TTC6: variants seen among roughly 807,000 people sequenced by gnomAD.
The protein encoded by TTC6 is tetratricopeptide repeat protein 6.
Under a neutral mutation model 210.4 loss-of-function variants are expected in TTC6, and 172 were observed. That is an observed-to-expected ratio of 0.82 (90% CI 0.72 to 0.93). The LOEUF (loss-of-function observed/expected upper bound fraction) is 0.93, where lower values mean the gene tolerates loss of function less well. TTC6 is among the 40% of genes least tolerant of loss of function. The probability of loss-of-function intolerance (pLI) is 0.00; values close to 1 mark genes in which losing one functional copy is unlikely to be tolerated. For missense variants in TTC6, 2,414 were observed against 2,318.1 expected, an observed-to-expected ratio of 1.04 and a Z score of -0.85; for synonymous variants, 804 against 819.6, an observed-to-expected ratio of 0.98 and a Z score of 0.32.
chr14:37,627,118 C>G (rs1419774539), intron 1 of TTC6, among the ~76,000 whole-genome samples: 1 of 152,002 alleles, frequency 6.6e-6, no homozygotes, highest in Admixed American at 6.6e-5. Flanking sequence ...TCTCTTGCTC[C>G]TACTTTCATC....
intron 1 of TTC6, among the ~76,000 whole-genome samples, chr14:37,660,119 G>T (rs2139458678): frequency 6.6e-6 from 1 of 151,890 alleles, no homozygotes; most frequent in Non-Finnish European, 1.5e-5. Flanking sequence ...GATCTTATTT[G>T]TCAATTTTTG....
At chr14:37,814,455 C>A (rs1226340650) in intron 25 of TTC6, among the ~76,000 whole-genome samples, 1 of 151,836 alleles carries the variant, frequency 6.6e-6, no homozygotes, top group Non-Finnish European at 1.5e-5. Flanking sequence ...CCAAATAAGT[C>A]TAGGAAGGGG....
At chr14:37,835,029 G>A (rs1401510707) in intron 29 of TTC6, among the ~76,000 whole-genome samples, 1 of 152,180 alleles carries the variant, frequency 6.6e-6, no homozygotes, top group African/African-American at 2.4e-5. Context: ...TGCTGGAAAT[G>A]GTGATGCCAG....
At chr14:37,617,001 T>G (rs1364298048) in intron 2 of TTC6, among the ~76,000 whole-genome samples, 1 of 152,038 alleles carries the variant, frequency 6.6e-6, no homozygotes, top group Non-Finnish European at 1.5e-5. Flanking sequence ...CTCAGCCTCC[T>G]GTCTAGCTGG....
intron 1 of TTC6, among the ~76,000 whole-genome samples, 171 bp downstream of exon 3, chr14:37,623,174 ATTTGAATT>A (rs1161690081): frequency 3.3e-5 from 5 of 152,268 alleles, no homozygotes; most frequent in Non-Finnish European, 5.9e-5. Context: ...TGAATTTTCC[ATTTGAATT>A]TTTGAATTTT....
At chr14:37,761,580 C>T (rs916493091) in intron 14 of TTC6, among the ~76,000 whole-genome samples, 2 of 151,944 alleles carry the variant, frequency 1.3e-5, no homozygotes, top group African/African-American at 4.8e-5. Context: ...AGGTCATTTC[C>T]AACAATCTAG....
intron 3 of TTC6, among the ~76,000 whole-genome samples, chr14:37,689,386 A>G (rs988424453): frequency 1.3e-5 from 2 of 152,182 alleles, no homozygotes; most frequent in African/African-American, 4.8e-5. Context: ...AGAAAGACAT[A>G]GAGGTAGAAA....
intron 1 of TTC6, among the ~76,000 whole-genome samples, chr14:37,652,025 T>C (rs1050850904): frequency 1.3e-5 from 2 of 152,132 alleles, no homozygotes; most frequent in Non-Finnish European, 2.9e-5. Flanking sequence ...AGTGCTAACA[T>C]GGACTGGTGG....
chr14:37,659,787 T>C (rs977732298), intron 1 of TTC6, among the ~76,000 whole-genome samples: 5 of 152,170 alleles, frequency 3.3e-5, no homozygotes, highest in Non-Finnish European at 7.3e-5. Context: ...TCCCAAAGTG[T>C]TGGGATTACG....
chr14:37,771,410 G>T (rs1482004356), intron 14 of TTC6, among the ~76,000 whole-genome samples: 1 of 152,090 alleles, frequency 6.6e-6, no homozygotes, highest in Non-Finnish European at 1.5e-5. Flanking sequence ...TTCCAACTTG[G>T]TTCCATTCTC....
At chr14:37,798,660 G>T (rs929272602) in intron 20 of TTC6, among the ~76,000 whole-genome samples, 1 of 151,880 alleles carries the variant, frequency 6.6e-6, no homozygotes, top group Non-Finnish European at 1.5e-5. Flanking sequence ...TAGTGACAAA[G>T]ACACCCTTAT....
intron 1 of TTC6, among the ~76,000 whole-genome samples, chr14:37,605,034 C>A (rs1008236): frequency 0.74 from 112,637 of 152,134 alleles, 42,103 homozygotes; most frequent in East Asian, 0.86. Context: ...TGTATGCTTC[C>A]AATATTAAAG....
At chr14:37,800,213 G>A (rs1448290245) in intron 20 of TTC6, among the ~76,000 whole-genome samples, 2 of 152,070 alleles carry the variant, frequency 1.3e-5, no homozygotes, top group Admixed American at 1.3e-4. Context: ...GGACTCTGAG[G>A]CAAATGAGCA....
At chr14:37,758,868 T>A (rs1260596107) in intron 14 of TTC6, among the ~76,000 whole-genome samples, 1 of 152,196 alleles carries the variant, frequency 6.6e-6, no homozygotes, top group Non-Finnish European at 1.5e-5. Context: ...GGAGCTCTTG[T>A]AAGGCAGGCC....
At chr14:37,604,815 C>T (rs1211633197) in intron 1 of TTC6, among the ~76,000 whole-genome samples, 1 of 152,176 alleles carries the variant, frequency 6.6e-6, no homozygotes, top group African/African-American at 2.4e-5. Flanking sequence ...CCTTCCTCCT[C>T]TGCCCTTCTC....
intron 1 of TTC6, among the ~76,000 whole-genome samples, chr14:37,662,293 A>G (rs887674832): frequency 4.0e-4 from 61 of 152,196 alleles, no homozygotes; most frequent in African/African-American, 1.4e-3. Flanking sequence ...TGGGTTTATC[A>G]TAAATGGCTT....
At chr14:37,663,008 T>C (rs1343106557) in intron 1 of TTC6, among the ~76,000 whole-genome samples, 1 of 152,164 alleles carries the variant, frequency 6.6e-6, no homozygotes, top group African/African-American at 2.4e-5. Context: ...TATTGATTTT[T>C]TTTTTATCCA....
intron 26 of TTC6, among the ~76,000 whole-genome samples, chr14:37,820,702 A>T (rs562353790): frequency 1.3e-5 from 2 of 152,168 alleles, no homozygotes; most frequent in Non-Finnish European, 1.5e-5. Context: ...CACCATAGGT[A>T]TGCATCATAA....
At position 37,706,511 on chromosome 14, in the gene TTC6, A is replaced by G. The variant is rs577461448; in HGVS notation, c.1571+4985A>G. ...AGAGAAATGCACAAGGATGTTCATC[A>G]TATCACTTTTTATAATAACTAAAAA... On this transcript the variant is annotated intron_variant, in intron 5 of 30. Transcript: ENST00000553443. Among the ~76,000 whole-genome samples the G allele has an allele frequency of 2.1e-4, 32 of 152,256 alleles. No homozygotes were observed. The East Asian group carries it at 5.4e-3, about 26-fold the overall frequency.
Sources: gnomAD v4.1 joint callset for allele counts (sites outside exome capture counted in the v4.1 genomes callset) on GRCh38, gnomAD v4.1.1 for gene constraint, MANE v1.5 for transcripts, NCBI Gene and HGNC (gene_info 2026-07-23, HGNC 2026-07-21) for gene names.